The following XPR1 variants were observed in gnomAD, a reference collection of about 807,000 sequenced individuals.
XPR1 encodes the protein solute carrier family 53 member 1.
A neutral mutation model predicts 87.5 loss-of-function variants in XPR1; 28 were observed. That is an observed-to-expected ratio of 0.32 (90% confidence interval 0.24 to 0.44). The LOEUF is 0.44. Ranked by LOEUF, XPR1 falls within the 20% of genes least tolerant of loss-of-function variation. The pLI, the probability that XPR1 is intolerant of heterozygous loss-of-function variation, is 1.00. For synonymous variants in XPR1, 300 were observed against 306.1 expected, an observed-to-expected ratio of 0.98 and a Z score of 0.21; for missense variants, 559 against 862.3, an observed-to-expected ratio of 0.65 and a Z score of 4.41.
intron 3 of XPR1, among the ~76,000 whole-genome samples, chr1:180,790,671 C>T (rs1304643371): frequency 6.6e-6 from 1 of 152,116 alleles, no homozygotes; most frequent in Non-Finnish European, 1.5e-5. Context: ...TCCCGAGTAG[C>T]TGGGACTACA....
chr1:180,701,796 T>C (rs1657339819), intron 2 of XPR1, among the ~76,000 whole-genome samples: 1 of 142,376 alleles, frequency 7.0e-6, no homozygotes, highest in Non-Finnish European at 1.5e-5. Flanking sequence ...GGAATGGTAC[T>C]AGTTCCTCCT....
At position 180,836,570 on chromosome 1, in the gene XPR1, A is replaced by C; in HGVS notation, c.1355A>C (p.Gln452Pro). 1 of 1,614,210 alleles carries C rather than the reference A, an allele frequency of 6.2e-7. No individual in the cohort carries two copies. The highest frequency in any genetic ancestry group is 1.1e-5 in the South Asian group (1 of 91,082). The change falls in exon 11 of 15, where the codon CAG (glutamine) becomes CCG (proline). Residue 452 changes from glutamine (Q) to proline (P), a missense_variant. Gln to Pro is a moderately conservative substitution (Grantham distance 76). This residue lies in a region of XPR1 where 264 missense variants were observed against 377.2 expected (regional missense o/e 0.70). Transcript: ENST00000367590. ...KYTYGVRAIV[Q>P]CIPAWLRFIQ... ...ACATATGGTGTGCGGGCCATTGTTC[A>C]GTGCATTCCTGCTTGGCTTCGCTTC...
At chr1:180,692,396 A>G (rs919111695) in intron 2 of XPR1, among the ~76,000 whole-genome samples, 2 of 152,148 alleles carry the variant, frequency 1.3e-5, no homozygotes, top group Non-Finnish European at 1.5e-5. Context: ...CAAGCCAACA[A>G]AATAGTTGCC....
chr1:180,813,034 CTTT>C (rs145312773), intron 7 of XPR1, among the ~76,000 whole-genome samples: 18 of 131,876 alleles, frequency 1.4e-4, no homozygotes, highest in East Asian at 6.2e-4. Flanking sequence ...CTACTAGTGT[CTTT>C]TTTCCCCCCC....
chr1:180,738,995 T>C (rs1204496159), intron 2 of XPR1, among the ~76,000 whole-genome samples: 1 of 152,168 alleles, frequency 6.6e-6, no homozygotes, highest in Non-Finnish European at 1.5e-5. Flanking sequence ...CTTCTAAAAG[T>C]TTTATAGTTT....
intron 2 of XPR1, among the ~76,000 whole-genome samples, chr1:180,746,460 C>A (rs950123280): frequency 6.6e-6 from 1 of 152,110 alleles, no homozygotes; most frequent in African/African-American, 2.4e-5. Flanking sequence ...TTTGTTCTTT[C>A]TTATGGCTGA....
intron 12 of XPR1, 97 bp from the exon 13 acceptor site, chr1:180,873,706 C>T: frequency 7.5e-7 from 1 of 1,338,886 alleles, no homozygotes; most frequent in South Asian, 1.5e-5. Context: ...ATTCGTAGGA[C>T]ATGTGTGAGT....
At chr1:180,634,208 G>A (rs752836837) in intron 1 of XPR1, among the ~76,000 whole-genome samples, 1 of 152,118 alleles carries the variant, frequency 6.6e-6, no homozygotes, top group Non-Finnish European at 1.5e-5. Context: ...ATTATGTTGT[G>A]TCTGCATTAT....
chr1:180,679,441 A>G (rs1656487293), intron 1 of XPR1, among the ~76,000 whole-genome samples: 1 of 152,174 alleles, frequency 6.6e-6, no homozygotes, highest in Non-Finnish European at 1.5e-5. Context: ...CAGCCCCCAC[A>G]GCAAAAAAAT....
chr1:180,728,296 C>CCG (rs1658426973), intron 2 of XPR1, among the ~76,000 whole-genome samples: 1 of 72,552 alleles, frequency 1.4e-5, no homozygotes, highest in Non-Finnish European at 2.8e-5. Context: ...TTGTTTATAA[C>CCG]TGGGGGGGGG....
chr1:180,810,260 G>A lies in XPR1; in HGVS notation c.682-1147G>A, dbSNP rs568140025. Among the ~76,000 whole-genome samples, 16 of 152,186 alleles carry A rather than the reference G, an allele frequency of 1.1e-4. No homozygotes were observed. The East Asian group carries it at 1.9e-3, about 18-fold the overall frequency. On this transcript the variant is annotated intron_variant, in intron 6 of 14. Transcript: ENST00000367590. ...TATATCAGTCTCTTAAGAACCTCTCGTATATCCTGAAAAATTTACTTTAAA... is the reference window on the plus strand; with the variant it reads ...TATATCAGTCTCTTAAGAACCTCTCATATATCCTGAAAAATTTACTTTAAA...
intron 9 of XPR1, among the ~76,000 whole-genome samples, chr1:180,834,306 C>G (rs1157746626): frequency 6.6e-6 from 1 of 152,154 alleles, no homozygotes; most frequent in Non-Finnish European, 1.5e-5. Flanking sequence ...TCTCGAACTC[C>G]TGACCTCATG....
At chr1:180,737,858 CAT>C (rs1331229633) in intron 2 of XPR1, among the ~76,000 whole-genome samples, 1 of 152,056 alleles carries the variant, frequency 6.6e-6, no homozygotes, top group Non-Finnish European at 1.5e-5. Flanking sequence ...TCCAGTAGGA[CAT>C]GTGGGTTGTT....
chr1:180,765,032 G>A lies in XPR1; in HGVS notation c.122-22721G>A, dbSNP rs181632801. 6.4e-4 allele frequency among the ~76,000 whole-genome samples: 97 copies of A among 152,106 alleles called. 3 individuals carry two copies. In the East Asian group the frequency reaches 0.018, roughly 28 times the overall value. On this transcript the variant is annotated intron_variant, in intron 2 of 14. Coordinates refer to ENST00000367590, the MANE Select transcript of XPR1 (RefSeq NM_004736.4). ...GATCTCCTGACCTCGTGATCCACCC[G>A]CCTTGGCCTCCCAAAGTGCTAGGAT...
chr1:180,865,385 G>C (rs1652354102), intron 12 of XPR1, among the ~76,000 whole-genome samples: 1 of 151,680 alleles, frequency 6.6e-6, no homozygotes, highest in Non-Finnish European at 1.5e-5. Flanking sequence ...CCCTCTGAGA[G>C]CTATAAAACA....
chr1:180,804,070 C>T (rs1649892433), intron 4 of XPR1, among the ~76,000 whole-genome samples: 1 of 151,992 alleles, frequency 6.6e-6, no homozygotes, highest in African/African-American at 2.4e-5. Context: ...ACTGCAACCT[C>T]CGCCTCCTGG....
chr1:180,873,716 T>G, intron 12 of XPR1, 87 bp from the exon 13 acceptor site: 1 of 1,446,916 alleles, frequency 6.9e-7, no homozygotes, highest in Non-Finnish European at 9.4e-7. Context: ...CATGTGTGAG[T>G]CTTGTTTGTA....
At chr1:180,787,537 C>T (rs1649201304) in intron 2 of XPR1, among the ~76,000 whole-genome samples, 1 of 152,122 alleles carries the variant, frequency 6.6e-6, no homozygotes, top group African/African-American at 2.4e-5. Flanking sequence ...CCTCGGCCTC[C>T]CGAAGTACTG....
intron 2 of XPR1, among the ~76,000 whole-genome samples, chr1:180,702,994 G>A (rs1029369057): frequency 2.6e-5 from 4 of 152,056 alleles, no homozygotes. Context: ...GGTTGCTTTG[G>A]TTTTGATTCT....
Sources: allele counts gnomAD v4.1 joint callset (sites outside exome capture counted in the v4.1 genomes callset), GRCh38; gene constraint gnomAD v4.1.1; regional missense constraint gnomAD v4.1.1; transcripts MANE v1.5; gene names NCBI Gene and HGNC (gene_info 2026-07-23, HGNC 2026-07-21).